The following NDST4 variants were observed in gnomAD, a reference collection of about 807,000 sequenced individuals.
NDST4 encodes the protein N-deacetylase and N-sulfotransferase 4.
Under a neutral mutation model 100.8 loss-of-function variants are expected in NDST4, and 63 were observed. The observed-to-expected ratio is 0.62, with a 90% CI of 0.51 to 0.77. The LOEUF (loss-of-function observed/expected upper bound fraction) is 0.77. Ranked by LOEUF, NDST4 falls within the 30% of genes least tolerant of loss-of-function variation. NDST4 has a pLI of 0.00. For missense variants in NDST4, 943 were observed against 1,018.4 expected (o/e 0.93, Z 1.01); for synonymous variants, 377 against 361.8 (o/e 1.04, Z -0.48).
At chr4:114,977,044 G>A (rs56019717) in intron 3 of NDST4, 143 bp downstream of exon 3, 25,185 of 602,458 alleles carry the variant, frequency 0.042, 693 homozygotes, top group Non-Finnish European at 0.053. Context: ...TATGCTCATT[G>A]ATTTTGGATT....
At chr4:114,881,107 C>T (rs1724357905) in intron 6 of NDST4, among the ~76,000 whole-genome samples, 1 of 152,006 alleles carries the variant, frequency 6.6e-6, no homozygotes, top group African/African-American at 2.4e-5. Flanking sequence ...CATAAGGAAC[C>T]ATTGAAGGAT....
At chr4:114,944,895 C>T (rs990341334) in intron 4 of NDST4, among the ~76,000 whole-genome samples, 8 of 152,026 alleles carry the variant, frequency 5.3e-5, no homozygotes, top group Non-Finnish European at 7.4e-5. Context: ...TCAGGAGACG[C>T]GCCACACCAC....
chr4:114,994,367 A>G (rs1218547120), intron 2 of NDST4, among the ~76,000 whole-genome samples: 1 of 151,976 alleles, frequency 6.6e-6, no homozygotes, highest in Non-Finnish European at 1.5e-5. Context: ...GCAAGTATAC[A>G]TACACGCTTG....
At chr4:114,937,245 G>T in intron 5 of NDST4, 73 bp downstream of exon 5, 1 of 1,494,670 alleles carries the variant, frequency 6.7e-7, no homozygotes, top group Non-Finnish European at 9.3e-7. Context: ...CATCCTTAGA[G>T]GAAATGGCCC....
chr4:114,857,452 C>T (rs1383547201), intron 7 of NDST4, among the ~76,000 whole-genome samples: 1 of 152,160 alleles, frequency 6.6e-6, no homozygotes, highest in Admixed American at 6.5e-5. Context: ...ATAAGTGGCC[C>T]ATGATTCTAA....
chr4:114,967,754 T>TA (rs1230392146), intron 4 of NDST4, among the ~76,000 whole-genome samples: 24 of 152,068 alleles, frequency 1.6e-4, no homozygotes, highest in Admixed American at 1.6e-3. Flanking sequence ...AAAAGTTAAG[T>TA]AAAAAATGAC....
chr4:114,932,961 T>TA (rs902409607), intron 6 of NDST4, among the ~76,000 whole-genome samples: 13 of 151,998 alleles, frequency 8.6e-5, no homozygotes, highest in African/African-American at 2.9e-4. Context: ...CACAGAAATA[T>TA]AAAAAACAAT....
chr4:115,013,757 T>C (rs1328579980), intron 2 of NDST4, among the ~76,000 whole-genome samples: 3 of 151,952 alleles, frequency 2.0e-5, no homozygotes, highest in Non-Finnish European at 4.4e-5. Context: ...AATCCCTATA[T>C]TGGTTTCATA....
chr4:115,097,908 C>T (rs1476964569), intron 1 of NDST4, among the ~76,000 whole-genome samples: 2 of 152,162 alleles, frequency 1.3e-5, no homozygotes, highest in African/African-American at 4.8e-5. Flanking sequence ...TTCTTCTTGC[C>T]TAGAATACTT....
intron 10 of NDST4, among the ~76,000 whole-genome samples, chr4:114,844,855 T>C (rs776173893): frequency 6.6e-6 from 1 of 152,212 alleles, no homozygotes; most frequent in African/African-American, 2.4e-5. Context: ...AAGTTTCCCT[T>C]ATGATCAATT....
At chr4:115,096,431 C>A (rs563236322) in intron 1 of NDST4, among the ~76,000 whole-genome samples, 49 of 152,072 alleles carry the variant, frequency 3.2e-4, no homozygotes, top group African/African-American at 1.2e-3. Flanking sequence ...TCTAACATTT[C>A]TTTCCTTTTC....
intron 6 of NDST4, among the ~76,000 whole-genome samples, chr4:114,897,989 A>G (rs1309391336): frequency 6.6e-6 from 1 of 152,080 alleles, no homozygotes; most frequent in East Asian, 1.9e-4. Context: ...GCAAATATTT[A>G]CTCCCAGTCT....
intron 4 of NDST4, among the ~76,000 whole-genome samples, chr4:114,964,258 A>G (rs1265109004): frequency 6.6e-6 from 1 of 152,088 alleles, no homozygotes; most frequent in Admixed American, 6.6e-5. Context: ...GCCAATAACC[A>G]TGTGAGCTTG....
chr4:115,067,729 C>CT (rs143037463), intron 2 of NDST4, among the ~76,000 whole-genome samples: 100 of 148,288 alleles, frequency 6.7e-4, no homozygotes, highest in Middle Eastern at 7.1e-3. Flanking sequence ...TTATCATTTT[C>CT]TTTTTTTTTT....
intron 10 of NDST4, among the ~76,000 whole-genome samples, chr4:114,841,559 C>A (rs1251125426): frequency 1.3e-5 from 2 of 152,102 alleles, no homozygotes; most frequent in African/African-American, 4.8e-5. Context: ...TTTTATTGAA[C>A]TGGTTTAATC....
intron 2 of NDST4, among the ~76,000 whole-genome samples, chr4:114,988,802 C>T (rs533589678): frequency 6.6e-6 from 1 of 151,886 alleles, no homozygotes; most frequent in Admixed American, 6.6e-5. Flanking sequence ...CAGTGCACCG[C>T]CAGTAGGATA....
intron 2 of NDST4, among the ~76,000 whole-genome samples, chr4:115,005,274 T>A (rs550866880): frequency 1.0e-3 from 158 of 152,270 alleles, no homozygotes; most frequent in African/African-American, 3.8e-3. Flanking sequence ...ATAGACCTAA[T>A]AAACACATTA....
At chr4:114,907,040 G>T (rs1363791440) in intron 6 of NDST4, among the ~76,000 whole-genome samples, 1 of 152,030 alleles carries the variant, frequency 6.6e-6, no homozygotes, top group African/African-American at 2.4e-5. Flanking sequence ...AAGTACATTA[G>T]AATTAGGGAA....
At chr4:114,872,561 C>A (rs775152465) in intron 6 of NDST4, among the ~76,000 whole-genome samples, 13 of 152,092 alleles carry the variant, frequency 8.5e-5, no homozygotes, top group Non-Finnish European at 1.3e-4. Flanking sequence ...CACACCTCAT[C>A]ATGGTTGAAG....
Sources: gnomAD v4.1 joint callset for allele counts (sites outside exome capture counted in the v4.1 genomes callset) on GRCh38, gnomAD v4.1.1 for gene constraint, MANE v1.5 for transcripts, NCBI Gene and HGNC (gene_info 2026-07-23, HGNC 2026-07-21) for gene names.